The following DMD variants were observed in gnomAD, a reference collection of about 807,000 sequenced individuals.
The protein encoded by DMD is dystrophin, also known as mutant dystrophin.
Under a neutral mutation model 330.1 loss-of-function variants are expected in DMD, and 63 were observed. That is an observed-to-expected ratio of 0.19 (90% CI 0.16 to 0.24). The LOEUF is 0.24. DMD is among the 10% of genes least tolerant of loss of function. The probability of loss-of-function intolerance (pLI) is 1.00; values close to 1 mark genes in which losing one functional copy is unlikely to be tolerated. For synonymous variants in DMD, 1,223 were observed against 959.8 expected (o/e 1.27, Z -5.07); for missense variants, 3,344 against 2,684.1 (o/e 1.25, Z -5.43).
At chrX:32,341,408 C>A (rs1191884511) in intron 41 of DMD, among the ~76,000 whole-genome samples, 1 of 111,970 alleles carries the variant, frequency 8.9e-6, no homozygotes, top group Admixed American at 9.5e-5. Context: ...GCTAACAATT[C>A]TGAATCGCCT....
intron 6 of DMD, among the ~76,000 whole-genome samples, chrX:32,815,520 T>TACACACACAC (rs1557051739): frequency 6.1e-4 from 48 of 78,898 alleles, no homozygotes; most frequent in African/African-American, 2.2e-3. Flanking sequence ...TATATATATA[T>TACACACACAC]ACACACACAC....
At chrX:31,166,739 C>G (rs1167613326) in intron 74 of DMD, among the ~76,000 whole-genome samples, 1 of 111,579 alleles carries the variant, frequency 9.0e-6, no homozygotes, top group East Asian at 2.8e-4. Flanking sequence ...AAAGAAAACA[C>G]ACGGGCTGTT....
At chrX:33,328,523 T>C (rs768972584) in intron 1 of DMD, among the ~76,000 whole-genome samples, 65 of 111,424 alleles carry the variant, frequency 5.8e-4, no homozygotes, top group Admixed American at 9.6e-4. Flanking sequence ...TGCATGGCCA[T>C]GCTATACAAC....
chrX:32,344,942 T>G (rs2097759123), intron 39 of DMD, among the ~76,000 whole-genome samples: 1 of 111,625 alleles, frequency 9.0e-6, no homozygotes, highest in African/African-American at 3.3e-5. Flanking sequence ...AGCAGTTACC[T>G]TCAGAACACC....
At chrX:33,254,724 G>A (rs1434864497) in intron 1 of DMD, among the ~76,000 whole-genome samples, 1 of 110,566 alleles carries the variant, frequency 9.0e-6, no homozygotes, top group Non-Finnish European at 1.9e-5. Context: ...ATTAAAACTT[G>A]TTTAGAAAAA....
intron 44 of DMD, among the ~76,000 whole-genome samples, chrX:32,156,705 C>A (rs1235352491): frequency 1.8e-5 from 2 of 110,257 alleles, no homozygotes; most frequent in Non-Finnish European, 3.8e-5. Context: ...GTTCACCAAG[C>A]CTTGCATTAA....
intron 9 of DMD, among the ~76,000 whole-genome samples, chrX:32,670,350 T>C (rs1157431222): frequency 8.9e-6 from 1 of 111,937 alleles, no homozygotes; most frequent in African/African-American, 3.2e-5. Flanking sequence ...ATTTTAAAAG[T>C]ATCACTGTTG....
At chrX:32,619,492 A>G (rs2057832585) in intron 11 of DMD, among the ~76,000 whole-genome samples, 1 of 112,140 alleles carries the variant, frequency 8.9e-6, no homozygotes, top group Admixed American at 9.5e-5. Flanking sequence ...AAGGTAATGC[A>G]TATGTTAATT....
At chrX:32,536,448 G>A (rs1312136084) in intron 17 of DMD, among the ~76,000 whole-genome samples, 2 of 111,039 alleles carry the variant, frequency 1.8e-5, no homozygotes, top group Admixed American at 1.9e-4. Context: ...AGAAGCTTAA[G>A]AAAGCACAGA....
chrX:31,964,198 C>T (rs985065429), intron 45 of DMD, among the ~76,000 whole-genome samples: 7 of 111,091 alleles, frequency 6.3e-5, no homozygotes, highest in Middle Eastern at 4.6e-3. Context: ...ATCATCCCAT[C>T]AGGGGAAAAA....
chrX:32,761,946 C>T (rs757019499), intron 7 of DMD, among the ~76,000 whole-genome samples: 2 of 109,839 alleles, frequency 1.8e-5, no homozygotes, highest in South Asian at 3.9e-4. Context: ...GTAAGGAGAT[C>T]GAGACCATTC....
At chrX:32,227,938 T>G (rs189714894) in intron 43 of DMD, among the ~76,000 whole-genome samples, 147 of 110,888 alleles carry the variant, frequency 1.3e-3, no homozygotes, top group African/African-American at 4.5e-3. Flanking sequence ...TGAAATTGCT[T>G]TAGATAAACG....
intron 43 of DMD, among the ~76,000 whole-genome samples, chrX:32,235,067 C>T (rs920002878): frequency 9.0e-6 from 1 of 111,407 alleles, no homozygotes; most frequent in Non-Finnish European, 1.9e-5. Flanking sequence ...CCATATGATT[C>T]AAGTGCATTA....
intron 13 of DMD, among the ~76,000 whole-genome samples, chrX:32,588,641 C>T (rs2054548733): frequency 8.9e-6 from 1 of 111,962 alleles, no homozygotes; most frequent in African/African-American, 3.3e-5. Flanking sequence ...GGAACCCACA[C>T]TGACTTCAAT....
intron 29 of DMD, among the ~76,000 whole-genome samples, chrX:32,430,735 G>A (rs1189678784): frequency 9.0e-6 from 1 of 111,307 alleles, no homozygotes; most frequent in Non-Finnish European, 1.9e-5. Context: ...GCCCCTGGCA[G>A]GAAGCATTCC....
chrX:33,248,998 T>C (rs1462639883), intron 1 of DMD, among the ~76,000 whole-genome samples: 5 of 112,576 alleles, frequency 4.4e-5, no homozygotes, highest in Non-Finnish European at 3.7e-5. Context: ...ATTAGGAAAA[T>C]TGCAGAATGC....
chrX:31,925,871 C>CAA (rs1234308714), intron 47 of DMD, among the ~76,000 whole-genome samples: 15 of 41,225 alleles, frequency 3.6e-4, no homozygotes, highest in African/African-American at 6.6e-4. Flanking sequence ...AACTCTGTCT[C>CAA]AAAAAAAAAA....
At chrX:31,787,524 T>C (rs1569411638) in intron 50 of DMD, among the ~76,000 whole-genome samples, 1 of 112,141 alleles carries the variant, frequency 8.9e-6, no homozygotes, top group Non-Finnish European at 1.9e-5. Flanking sequence ...TTGGGTATAT[T>C]TGAGTTTCAA....
intron 76 of DMD, among the ~76,000 whole-genome samples, chrX:31,143,388 T>A (rs2036313418): frequency 9.0e-6 from 1 of 111,468 alleles, no homozygotes; most frequent in South Asian, 3.8e-4. Flanking sequence ...CCCCTTCACC[T>A]TCCCCCATGA....
Sources: gnomAD v4.1 joint callset for allele counts (sites outside exome capture counted in the v4.1 genomes callset) on GRCh38, gnomAD v4.1.1 for gene constraint, MANE v1.5 for transcripts, NCBI Gene and HGNC (gene_info 2026-07-23, HGNC 2026-07-21) for gene names.